The following EPG5 variants were observed in gnomAD, a reference collection of about 807,000 sequenced individuals.
EPG5 encodes the protein ectopic P granules protein 5 homolog.
Under a neutral mutation model 302.7 loss-of-function variants are expected in EPG5, and 159 were observed. The observed-to-expected ratio is 0.53, with a 90% CI of 0.46 to 0.60. The LOEUF (loss-of-function observed/expected upper bound fraction) is 0.60. Ranked by LOEUF, EPG5 falls within the 20% of genes least tolerant of loss-of-function variation. The pLI, the probability that EPG5 is intolerant of heterozygous loss-of-function variation, is 0.00. For synonymous variants in EPG5, 1,158 were observed against 1,136.8 expected, an observed-to-expected ratio of 1.02 and a Z score of -0.37; for missense variants, 2,896 against 3,092.4, an observed-to-expected ratio of 0.94 and a Z score of 1.51.
chr18:45,855,714 A>G, intron 42 of EPG5, 27 bp from the exon 43 acceptor site: 1 of 1,445,894 alleles, frequency 6.9e-7, no homozygotes, highest in Non-Finnish European at 9.7e-7. Flanking sequence ...AGGTCAGAAG[A>G]AGTAAATGGC....
At chr18:45,966,909 C>T (rs994487617) in intron 1 of EPG5, among the ~76,000 whole-genome samples, 2 of 151,946 alleles carry the variant, frequency 1.3e-5, no homozygotes, top group African/African-American at 4.8e-5. Flanking sequence ...GTGAGGAAAG[C>T]CAAGAGAGCA....
At chr18:45,820,494 G>C in the EPG5 span, among the ~76,000 whole-genome samples, 1 of 152,140 alleles carries the variant, frequency 6.6e-6, no homozygotes, top group African/African-American at 2.4e-5. Context: ...GCATGGAGTT[G>C]GCAGGTGCTG....
intron 1 of EPG5, among the ~76,000 whole-genome samples, chr18:45,964,813 C>A (rs2051214969): frequency 6.6e-6 from 1 of 152,060 alleles, no homozygotes; most frequent in Non-Finnish European, 1.5e-5. Flanking sequence ...ACTAACAATA[C>A]AAAAATTACC....
intron 22 of EPG5, among the ~76,000 whole-genome samples, chr18:45,911,184 T>A (rs1174467307): frequency 6.6e-6 from 1 of 151,284 alleles, no homozygotes; most frequent in Non-Finnish European, 1.5e-5. Flanking sequence ...TGCAGTGGCA[T>A]AATCACTGCT....
intron 11 of EPG5, among the ~76,000 whole-genome samples, chr18:45,934,504 T>C (rs1022050057): frequency 1.8e-4 from 27 of 152,294 alleles, no homozygotes; most frequent in African/African-American, 6.3e-4. Context: ...TTAATACATA[T>C]CTGTTAATAC....
intron 1 of EPG5, among the ~76,000 whole-genome samples, chr18:45,965,340 G>A (rs1023095725): frequency 1.3e-5 from 2 of 152,158 alleles, no homozygotes; most frequent in African/African-American, 2.4e-5. Flanking sequence ...AAAACCACCT[G>A]TCAAGCACTA....
chr18:45,859,628 G>A (rs2048589929), intron 40 of EPG5, among the ~76,000 whole-genome samples: 1 of 152,192 alleles, frequency 6.6e-6, no homozygotes, highest in Admixed American at 6.5e-5. Flanking sequence ...GGGTGACAAT[G>A]AATGAGCCCT....
rs545689845 is a variant in EPG5, at chr18:45,902,158, T to C, written c.4475-991A>G. Among the ~76,000 whole-genome samples, 6 of 152,370 alleles carry C rather than the reference T, an allele frequency of 3.9e-5. No individual in the cohort carries two copies. The East Asian group carries it at 9.6e-4, about 24-fold the overall frequency. ...GATGTAACATTCCATTTTCTATTCT[T>C]GTTGAGAAAAATTAAAGAAAAATTA... is the stretch of plus-strand genomic sequence containing the variant. On this transcript the variant is annotated intron_variant, in intron 25 of 43. Transcript: ENST00000282041.
intron 29 of EPG5, among the ~76,000 whole-genome samples, chr18:45,885,875 C>A (rs1156433320): frequency 6.6e-6 from 1 of 151,952 alleles, no homozygotes; most frequent in Non-Finnish European, 1.5e-5. Context: ...AGAAAGTGTA[C>A]AAAGGACCAC....
chr18:45,966,238 G>A (rs533171636), intron 1 of EPG5, among the ~76,000 whole-genome samples: 11 of 151,590 alleles, frequency 7.3e-5, no homozygotes, highest in African/African-American at 2.7e-4. Context: ...CGGGCGTGGT[G>A]GCAGGCGCCT....
At chr18:45,875,889 T>C (rs570156044) in intron 35 of EPG5, among the ~76,000 whole-genome samples, 1 of 152,126 alleles carries the variant, frequency 6.6e-6, no homozygotes, top group African/African-American at 2.4e-5. Context: ...ACCCCGTCTC[T>C]ACTAAAACTA....
At chr18:45,839,089 C>T in the EPG5 span, 2 of 1,407,818 alleles carry the variant, frequency 1.4e-6, no homozygotes, top group Non-Finnish European at 1.8e-6. Context: ...TGCCCGCCGC[C>T]GCCCAGGTGG....
Position 45,889,997 on chromosome 18 carries a change from GA to G in EPG5, c.4810-58del. The G allele has an allele frequency of 2.1e-6, 3 of 1,424,898 alleles. No homozygotes were observed. In the South Asian group the frequency reaches 4.2e-5, roughly 20 times the overall value. The allele number at this position is 1,424,898 out of a possible 1,614,324, so 88.3% of individuals were successfully genotyped here. On this transcript the variant is annotated intron_variant, in intron 27 of 43. Transcript: ENST00000282041. ...TCCCCCCATGTGTCAGGTTTCCCAT[GA>G]AGACTCAAACTGAAATAAAATTATT... is the stretch of plus-strand genomic sequence containing the variant.
chr18:45,957,238 G>T (rs1249943758), intron 1 of EPG5, among the ~76,000 whole-genome samples: 1 of 152,164 alleles, frequency 6.6e-6, no homozygotes, highest in Admixed American at 6.5e-5. Flanking sequence ...TCAGCTTGTT[G>T]AAATGAACCT....
intron 2 of EPG5, chr18:45,953,252 T>A: frequency 3.1e-6 from 3 of 973,118 alleles, no homozygotes; most frequent in Non-Finnish European, 3.7e-6. Context: ...TTGATGATCT[T>A]ACCTTCTATT....
the EPG5 span, among the ~76,000 whole-genome samples, chr18:45,826,207 G>A: frequency 2.0e-5 from 3 of 152,098 alleles, no homozygotes; most frequent in African/African-American, 7.2e-5. Context: ...GGACAGTGCT[G>A]ATGCATGGGA....
In EPG5 at chr18:45,904,003, C is replaced by T. The variant is rs746749336; in HGVS notation, c.4444G>A (p.Val1482Met). ...ESHSTPCSLSVQLDFTDPLLA... is the reference protein window; with the variant it reads ...ESHSTPCSLSMQLDFTDPLLA... ...AAAGGATCAGTGAAGTCCAGCTGCA[C>T]GGACAAACTGCAGGGTGTGGAATGG... Residue 1482 changes from valine to methionine, a missense_variant, in exon 25 of 44, where the codon GTG becomes ATG. Around this residue, in one of 5 missense-constraint regions of EPG5, gnomAD observed 790 missense variants for 798.0 expected, o/e 0.99. Transcript: ENST00000282041. 49 of 1,612,002 alleles carry T rather than the reference C, an allele frequency of 3.0e-5. No individual in the cohort carries two copies. The highest frequency in any genetic ancestry group is 1.0e-4 in the Admixed American group (6 of 59,148).
intron 35 of EPG5, among the ~76,000 whole-genome samples, chr18:45,874,437 A>G (rs1301162868): frequency 1.3e-5 from 2 of 152,242 alleles, no homozygotes; most frequent in Non-Finnish European, 2.9e-5. Context: ...TGATAAAGAC[A>G]TATCCAAGAC....
At position 45,912,347 on chromosome 18, in the gene EPG5, G is replaced by A. The variant is rs2145683047; in HGVS notation, c.3926C>T (p.Pro1309Leu). 6.2e-7 allele frequency: 1 copy of A among 1,610,974 alleles called. No homozygotes were observed. Among genetic ancestry groups the A allele is most frequent in the Non-Finnish European group, 8.5e-7 (1 of 1,178,914 alleles). The change falls in exon 22 of 44, where the codon CCA (proline) becomes CTA (leucine). Residue 1309 changes from proline (P) to leucine (L), a missense_variant. Physicochemically the swap from Pro to Leu is moderately conservative, Grantham distance 98. Around this residue, in one of 5 missense-constraint regions of EPG5, gnomAD observed 790 missense variants for 798.0 expected, o/e 0.99. Transcript: ENST00000282041. ...LVTPSDHPLL[P>L]LIWQKFFLLY... Reference sequence around the variant, plus strand: ...AAGGAAGAACTTCTGCCAAATGAGTGGCAGGAGGGGGTGATCAGAAGGTGT... The same window carrying A: ...AAGGAAGAACTTCTGCCAAATGAGTAGCAGGAGGGGGTGATCAGAAGGTGT...
Sources: gnomAD v4.1 joint callset for allele counts (sites outside exome capture counted in the v4.1 genomes callset) on GRCh38, gnomAD v4.1.1 for gene constraint, gnomAD v4.1.1 regional missense constraint, MANE v1.5 for transcripts, NCBI Gene and HGNC (gene_info 2026-07-23, HGNC 2026-07-21) for gene names.